Variants in PRDM7 observed in about 807,000 individuals in gnomAD.
PRDM7 encodes the protein PR/SET domain 7, also known as histone-lysine N-methyltransferase PRDM7.
A neutral mutation model predicts 64.3 loss-of-function variants in PRDM7; 52 were observed. The ratio of observed to expected loss-of-function variants is 0.81; its 90% CI spans 0.65 to 1.02. The LOEUF (loss-of-function observed/expected upper bound fraction) is 1.02. PRDM7 is among the 50% of genes least tolerant of loss of function. The pLI is 0.00. For missense variants in PRDM7, 574 were observed against 597.1 expected (o/e 0.96, Z 0.40); for synonymous variants, 192 against 210.1 (o/e 0.91, Z 0.74).
chr16:90,068,648 A>G (rs2037914274), intron 4 of PRDM7, among the ~76,000 whole-genome samples: 1 of 150,992 alleles, frequency 6.6e-6, no homozygotes, highest in Non-Finnish European at 1.5e-5. Context: ...AAAAAAAAAA[A>G]AAAAGAAGTA....
rs775303607 is a variant in PRDM7 at position 90,058,239 on chromosome 16, G to C, written c.*50C>G. ...CTCTAGAGCTCCCCATTTGTCCTTT[G>C]GGTGGGCTAGAAAAGGCCCTTGAAA... On this transcript the variant is annotated 3_prime_UTR_variant, in exon 11 of 11. Transcript: ENST00000449207. The C allele has an allele frequency of 1.2e-6, 2 of 1,614,064 alleles. No individual in the cohort carries two copies. Among genetic ancestry groups the C allele is most frequent in the Non-Finnish European group, 8.5e-7 (1 of 1,179,984 alleles).
chr16:90,063,851 T>C (rs2037825910), intron 5 of PRDM7, 83 bp from the exon 6 acceptor site: 1 of 1,504,764 alleles, frequency 6.6e-7, no homozygotes, highest in Admixed American at 1.9e-5. Context: ...CATATGACTG[T>C]AGTTAATGTT....
intron 4 of PRDM7, among the ~76,000 whole-genome samples, chr16:90,072,193 T>G (rs1448264496): frequency 6.8e-6 from 1 of 147,248 alleles, no homozygotes; most frequent in African/African-American, 2.5e-5. Flanking sequence ...ATTGCGCCAC[T>G]GCACTCCAGC....
chr16:90,063,304 G>A (rs1484696878), intron 6 of PRDM7, among the ~76,000 whole-genome samples: 1 of 152,082 alleles, frequency 6.6e-6, no homozygotes, highest in African/African-American at 2.4e-5. Flanking sequence ...CGGGCACGGT[G>A]GTGCACACCT....
In PRDM7 at chr16:90,061,986, A is replaced by G; in HGVS notation, c.817T>C (p.Phe273Leu). The change falls in exon 8 of 11, where the codon TTT becomes CTT. Residue 273 changes from phenylalanine to leucine, a missense_variant. Physicochemically the swap from Phe to Leu is conservative, Grantham distance 22. Transcript: ENST00000449207. ...EASDLPLGLHFGPYEGRITED... is the reference protein window; with the variant it reads ...EASDLPLGLHLGPYEGRITED... ...GTAATTCGGCCCTCATAGGGGCCAA[A>G]GTGCAGACCCAGTGGCAGATCAGAT... 1 of 1,614,264 alleles carries G rather than the reference A, an allele frequency of 6.2e-7. No homozygotes were observed. The highest frequency in any genetic ancestry group is 8.5e-7 in the Non-Finnish European group (1 of 1,180,044).
rs1555656506 is a variant in PRDM7 at position 90,064,402 on chromosome 16, G to GT, written c.352-635dup. Among the ~76,000 whole-genome samples the GT allele has an allele frequency of 6.0e-4, 59 of 98,692 alleles. No homozygotes were observed. In the East Asian group the frequency reaches 0.062, roughly 104 times the overall value. 64.7% of individuals were successfully genotyped at this position (98,692 alleles called of 152,430 possible). On this transcript the variant is annotated intron_variant, in intron 5 of 10. Transcript: ENST00000449207. ...CCCGATCCAGAAGTTGGCATACATG[G>GT]TTTTGTTTTGTTTTGTTTTGTTTTG...
At chr16:90,072,787 G>T (rs939733595) in intron 4 of PRDM7, among the ~76,000 whole-genome samples, 7 of 152,216 alleles carry the variant, frequency 4.6e-5, no homozygotes, top group Non-Finnish European at 1.0e-4. Flanking sequence ...TTCAGATAAA[G>T]ATGTATAGAT....
chr16:90,066,618 T>C (rs2037877162), intron 5 of PRDM7, among the ~76,000 whole-genome samples: 1 of 151,172 alleles, frequency 6.6e-6, no homozygotes, highest in Non-Finnish European at 1.5e-5. Flanking sequence ...AGGTACTATA[T>C]GTAAAGTTTA....
intron 5 of PRDM7, among the ~76,000 whole-genome samples, chr16:90,064,174 T>A (rs2037832034): frequency 6.6e-6 from 1 of 151,990 alleles, no homozygotes; most frequent in Non-Finnish European, 1.5e-5. Context: ...GAAAATGAGG[T>A]AATAGGGCAG....
rs2037707633 is a variant in PRDM7 at position 90,057,872 on chromosome 16, CTG to C, written c.*415_*416del. On this transcript the variant is annotated 3_prime_UTR_variant, in exon 11 of 11. Coordinates refer to ENST00000449207, the MANE Select transcript of PRDM7 (RefSeq NM_001098173.2). Reference sequence around the variant, plus strand: ...CTTCCTGCAGACTGGGGCGTCTCCCCTGTGTGTCCTCTGGTGAATGAGGAGGA... The same window carrying C: ...CTTCCTGCAGACTGGGGCGTCTCCCCTGTGTCCTCTGGTGAATGAGGAGGA... 2 of 1,514,804 alleles carry C rather than the reference CTG, an allele frequency of 1.3e-6. No homozygotes were observed. Among genetic ancestry groups the C allele is most frequent in the Admixed American group, 1.8e-5 (1 of 57,050 alleles). The allele number at this position is 1,514,804 out of a possible 1,614,324, so 93.8% of individuals were successfully genotyped here.
chr16:90,076,096 A>T, intron 1 of PRDM7, 101 bp from the exon 2 acceptor site: 1 of 689,980 alleles, frequency 1.4e-6, no homozygotes. Flanking sequence ...GAGCAGGAAG[A>T]CTGGGTTCCT....
At chr16:90,064,826 C>T (rs147123965) in intron 5 of PRDM7, among the ~76,000 whole-genome samples, 4,946 of 150,510 alleles carry the variant, frequency 0.033, 167 homozygotes, top group Middle Eastern at 0.18. Context: ...TCAAGCGATT[C>T]TCCTGCTTCA....
chr16:90,076,779 C>G (rs1343745764), intron 1 of PRDM7, among the ~76,000 whole-genome samples: 1 of 151,722 alleles, frequency 6.6e-6, no homozygotes, highest in Non-Finnish European at 1.5e-5. Context: ...TGAGGAAATT[C>G]TGGGTCTCGG....
intron 5 of PRDM7, among the ~76,000 whole-genome samples, chr16:90,064,660 C>T (rs1170035773): frequency 1.4e-5 from 2 of 143,516 alleles, no homozygotes; most frequent in East Asian, 1.9e-4. Context: ...GTGATCCACC[C>T]ACCTCAGCCT....
rs761675365 is a variant in PRDM7, at chr16:90,058,044, T to A, written c.*245A>T. The A allele has an allele frequency of 9.7e-5, 157 of 1,611,896 alleles. No individual in the cohort carries two copies. The highest frequency in any genetic ancestry group is 1.3e-4 in the Non-Finnish European group (152 of 1,178,534). Reference sequence around the variant, plus strand: ...AGACGTAGGGCTTCCCCCCTGTGTGTGTCCTTTGGTGTGTAATAACATCTG... The same window carrying A: ...AGACGTAGGGCTTCCCCCCTGTGTGAGTCCTTTGGTGTGTAATAACATCTG... On this transcript the variant is annotated 3_prime_UTR_variant, in exon 11 of 11. Transcript: ENST00000449207.
intron 6 of PRDM7, among the ~76,000 whole-genome samples, chr16:90,062,902 A>T (rs554104726): frequency 6.6e-6 from 1 of 152,226 alleles, no homozygotes; most frequent in Non-Finnish European, 1.5e-5. Flanking sequence ...GGAAAAGGAA[A>T]TGTAGAAACG....
chr16:90,061,314 T>G (rs1051617336), intron 9 of PRDM7, 138 bp downstream of exon 9: 2 of 820,054 alleles, frequency 2.4e-6, no homozygotes, highest in African/African-American at 3.5e-5. Context: ...AAGTTGATGG[T>G]ATAAAACAGC....
In PRDM7 at chr16:90,070,598, G is replaced by T. The variant is rs74763891; in HGVS notation, c.302-3688C>A. Among the ~76,000 whole-genome samples, 1,017 of 150,978 alleles carry T rather than the reference G, an allele frequency of 6.7e-3. 71 individuals are homozygous for T. Among genetic ancestry groups the T allele is most frequent in the African/African-American group, 0.024 (984 of 40,484 alleles). On this transcript the variant is annotated intron_variant, in intron 4 of 10. Coordinates refer to ENST00000449207, the MANE Select transcript of PRDM7 (RefSeq NM_001098173.2). Reference sequence around the variant, plus strand: ...AGGCTGTCTAAAAAAAAATCTTCTAGTAGGTATTATTGCTTTTATAAGAGG... The same window carrying T: ...AGGCTGTCTAAAAAAAAATCTTCTATTAGGTATTATTGCTTTTATAAGAGG...
At position 90,058,292 on chromosome 16, in the gene PRDM7, A is replaced by G; in HGVS notation, c.1476T>C (p.Ser492=). The change falls in exon 11 of 11, where the codon TCT becomes TCC. Residue 492 remains serine (S), a synonymous_variant. Transcript: ENST00000449207. ...KVKRSKKGPN[S] ...TCCCTCTGCCATGTCCTTTTATTCA[A>G]GAGTTTGGACCTTTCTTTGATCTCT... is the stretch of plus-strand genomic sequence containing the variant. 1 of 1,614,134 alleles carries G rather than the reference A, an allele frequency of 6.2e-7. No individual in the cohort carries two copies. The highest frequency in any genetic ancestry group is 8.5e-7 in the Non-Finnish European group (1 of 1,180,022).
Sources: allele counts gnomAD v4.1 joint callset (sites outside exome capture counted in the v4.1 genomes callset), GRCh38; gene constraint gnomAD v4.1.1; transcripts MANE v1.5; gene names NCBI Gene and HGNC (gene_info 2026-07-23, HGNC 2026-07-21).